BAZ2B: variants seen among roughly 807,000 people sequenced by gnomAD.
The protein encoded by BAZ2B is bromodomain adjacent to zinc finger domain protein 2B.
In BAZ2B, 91 loss-of-function variants were observed where a neutral mutation model predicts 246.0. That is an observed-to-expected ratio of 0.37 (90% confidence interval 0.31 to 0.44). BAZ2B has a LOEUF of 0.44. Ranked by LOEUF, BAZ2B falls within the 20% of genes least tolerant of loss-of-function variation. BAZ2B has a pLI of 1.00. For missense variants in BAZ2B, 2,332 were observed against 2,533.7 expected (o/e 0.92, Z 1.71); for synonymous variants, 855 against 860.0 (o/e 0.99, Z 0.10).
At position 159,347,467 on chromosome 2, in the gene BAZ2B, T is replaced by C. The variant is rs147801395; in HGVS notation, c.5454+19A>G. 1.9e-4 allele frequency: 311 copies of C among 1,607,754 alleles called. No homozygotes were observed. In the African/African-American group the frequency reaches 3.8e-3, roughly 20 times the overall value. ...CTTCCATTATCCTAAAAACATATTT[T>C]ATTCCAAGTCGATTTTACCTTCACT... On this transcript the variant is annotated intron_variant, in intron 31 of 36. Coordinates refer to ENST00000392783, the MANE Select transcript of BAZ2B (RefSeq NM_013450.4).
the BAZ2B span, among the ~76,000 whole-genome samples, chr2:159,640,923 T>C: frequency 6.9e-6 from 1 of 145,746 alleles, no homozygotes; most frequent in Non-Finnish European, 1.5e-5. Context: ...GAAATAGAAA[T>C]GAAGAAAACA....
chr2:159,353,135 T>C (rs1319382540), intron 27 of BAZ2B, among the ~76,000 whole-genome samples: 2 of 152,242 alleles, frequency 1.3e-5, no homozygotes, highest in African/African-American at 4.8e-5. Context: ...AATTTTGTTA[T>C]ATAGGTATAT....
At chr2:159,410,278 G>A (rs2066609804) in intron 14 of BAZ2B, among the ~76,000 whole-genome samples, 1 of 152,194 alleles carries the variant, frequency 6.6e-6, no homozygotes, top group Admixed American at 6.5e-5. Context: ...CTTATAAGAA[G>A]CCAAATAAAA....
chr2:159,469,734 C>A (rs2077543852), intron 3 of BAZ2B, among the ~76,000 whole-genome samples: 1 of 152,114 alleles, frequency 6.6e-6, no homozygotes, highest in African/African-American at 2.4e-5. Context: ...AGCCACCATG[C>A]CCGGCCTATA....
chr2:159,509,465 T>C (rs1404923614), intron 2 of BAZ2B, among the ~76,000 whole-genome samples: 8 of 152,194 alleles, frequency 5.3e-5, no homozygotes, highest in Admixed American at 3.9e-4. Flanking sequence ...CACATACATA[T>C]GTTTTCACAC....
intron 27 of BAZ2B, among the ~76,000 whole-genome samples, chr2:159,356,763 A>C (rs1038165012): frequency 1.3e-5 from 2 of 152,158 alleles, no homozygotes; most frequent in African/African-American, 2.4e-5. Context: ...CTGTGGGACG[A>C]AGGTTCCAGA....
intron 1 of BAZ2B, among the ~76,000 whole-genome samples, chr2:159,595,336 A>T (rs1279658891): frequency 6.6e-5 from 10 of 152,114 alleles, no homozygotes; most frequent in Non-Finnish European, 1.5e-4. Context: ...TCCTGATCTC[A>T]GGTGATCTGC....
intron 1 of BAZ2B, among the ~76,000 whole-genome samples, chr2:159,587,622 TGCCCTCA>T (rs1250684277): frequency 6.6e-6 from 1 of 152,192 alleles, no homozygotes; most frequent in East Asian, 1.9e-4. Flanking sequence ...ATGCAGTCCT[TGCCCTCA>T]AAGTTTAACA....
chr2:159,376,985 T>A (rs962457826), intron 25 of BAZ2B, among the ~76,000 whole-genome samples: 1 of 152,142 alleles, frequency 6.6e-6, no homozygotes, highest in East Asian at 1.9e-4. Context: ...AGAGTTTAAT[T>A]GTCCACAGAA....
At chr2:159,381,818 C>G (rs13391918) in intron 25 of BAZ2B, among the ~76,000 whole-genome samples, 19,642 of 152,170 alleles carry the variant, frequency 0.13, 1,313 homozygotes, top group Middle Eastern at 0.23. Flanking sequence ...CTTGCAATCC[C>G]CTTAAAGCAC....
In BAZ2B at chr2:159,404,869, T is replaced by C; in HGVS notation, c.2812A>G (p.Ile938Val). 1 of 1,613,178 alleles carries C rather than the reference T, an allele frequency of 6.2e-7. No individual in the cohort carries two copies. The highest frequency in any genetic ancestry group is 8.5e-7 in the Non-Finnish European group (1 of 1,179,872). ...CATACCTGCTGTTTCATAATCTTTATCTGTTCTTTTTGCTTCCGCTTCTCC... is the reference window on the plus strand; with the variant it reads ...CATACCTGCTGTTTCATAATCTTTACCTGTTCTTTTTGCTTCCGCTTCTCC... ...AEEKRKQKEQ[I>V]KIMKQQEKIK... Residue 938 changes from isoleucine to valine, a missense_variant, in exon 16 of 37, where the codon ATA becomes GTA. Physicochemically the swap from Ile to Val is conservative, Grantham distance 29. This residue lies in a region of BAZ2B where 651 missense variants were observed against 650.9 expected (regional missense o/e 1.00). Transcript: ENST00000392783.
At chr2:159,565,585 T>C (rs2090312474) in intron 1 of BAZ2B, among the ~76,000 whole-genome samples, 1 of 152,166 alleles carries the variant, frequency 6.6e-6, no homozygotes, top group Admixed American at 6.5e-5. Flanking sequence ...AAGACCAGCC[T>C]GACTAATATG....
the BAZ2B span, among the ~76,000 whole-genome samples, chr2:159,696,959 G>A: frequency 9.2e-5 from 14 of 152,060 alleles, no homozygotes; most frequent in Non-Finnish European, 2.1e-4. Context: ...GCTAATTGTT[G>A]TATTTTTGTA....
chr2:159,337,429 C>T lies in BAZ2B; in HGVS notation c.5660+138G>A, dbSNP rs767197066. On this transcript the variant is annotated intron_variant, in intron 32 of 36. Transcript: ENST00000392783. ...ATAGGCTCCAATTAGCAAAGAAGCA[C>T]AATAATTTTTCAAGTTAATCTCAAT... The T allele has an allele frequency of 2.6e-6, 4 of 1,550,702 alleles. No homozygotes were observed. In the African/African-American group the frequency reaches 5.4e-5, roughly 21 times the overall value.
At chr2:159,438,108 A>T (rs980437881) in intron 8 of BAZ2B, 195 bp downstream of exon 8, 1 of 552,110 alleles carries the variant, frequency 1.8e-6, no homozygotes, top group South Asian at 2.3e-5. Flanking sequence ...ATTGCCAAAA[A>T]TACATTAAAC....
chr2:159,474,265 G>T (rs911992508), intron 3 of BAZ2B, among the ~76,000 whole-genome samples: 25 of 152,092 alleles, frequency 1.6e-4, no homozygotes, highest in Non-Finnish European at 8.8e-5. Flanking sequence ...TATATATTTA[G>T]GATAGTTAGC....
Position 159,332,535 on chromosome 2 carries a change from C to T in BAZ2B, c.5943+5G>A. On this transcript the variant is annotated splice_donor_5th_base_variant and intron_variant, in intron 34 of 36. Transcript: ENST00000392783. ...ATGAAAAGTTTAGTTTTAGATTGGT[C>T]TTACCTTAGCAATGCAAGCTGGACA... is the stretch of plus-strand genomic sequence containing the variant. 1.4e-5 allele frequency: 23 copies of T among 1,608,080 alleles called. No homozygotes were observed. Among genetic ancestry groups the T allele is most frequent in the Non-Finnish European group, 2.0e-5 (23 of 1,177,882 alleles).
the BAZ2B span, among the ~76,000 whole-genome samples, chr2:159,709,181 C>T: frequency 1.3e-5 from 2 of 150,646 alleles, no homozygotes; most frequent in Middle Eastern, 3.5e-3. Context: ...TGGCCAGGCG[C>T]GGTGGCTAAC....
chr2:159,367,141 T>C (rs1193767718), intron 27 of BAZ2B, among the ~76,000 whole-genome samples: 1 of 152,126 alleles, frequency 6.6e-6, no homozygotes, highest in African/African-American at 2.4e-5. Context: ...CAGAGGTCCT[T>C]TGAGATATAT....
Sources: allele counts gnomAD v4.1 joint callset (sites outside exome capture counted in the v4.1 genomes callset), GRCh38; gene constraint gnomAD v4.1.1; regional missense constraint gnomAD v4.1.1; transcripts MANE v1.5; gene names NCBI Gene and HGNC (gene_info 2026-07-23, HGNC 2026-07-21).